AGTPBP1: variants seen among roughly 807,000 people sequenced by gnomAD.
The protein encoded by AGTPBP1 is ATP/GTP binding carboxypeptidase 1.
Under a neutral mutation model 143.9 loss-of-function variants are expected in AGTPBP1, and 70 were observed. The observed-to-expected ratio is 0.49, with a 90% confidence interval of 0.40 to 0.59. The LOEUF (loss-of-function observed/expected upper bound fraction) is 0.59, where lower values mean the gene tolerates loss of function less well. Among genes scored for constraint, AGTPBP1 ranks in the 20% least tolerant of loss-of-function variants. The pLI, the probability that AGTPBP1 is intolerant of heterozygous loss-of-function variation, is 0.00. For missense variants in AGTPBP1, 1,229 were observed against 1,464.5 expected (o/e 0.84, Z 2.62); for synonymous variants, 463 against 500.2 (o/e 0.93, Z 0.99).
At chr9:85,755,976 C>A in the AGTPBP1 span, 1 of 911,878 alleles carries the variant, frequency 1.1e-6, no homozygotes, top group Non-Finnish European at 1.6e-6. Context: ...TTTAAATGTT[C>A]ATTTAAGAGA....
chr9:85,611,159 T>C (rs574360115), intron 17 of AGTPBP1, among the ~76,000 whole-genome samples: 7 of 147,424 alleles, frequency 4.7e-5, no homozygotes, highest in African/African-American at 9.9e-5. Flanking sequence ...GCTTTTCTTT[T>C]TTTTTTTTTT....
chr9:85,776,101 G>A, the AGTPBP1 span, among the ~76,000 whole-genome samples: 8 of 152,022 alleles, frequency 5.3e-5, no homozygotes, highest in Non-Finnish European at 8.8e-5. Flanking sequence ...ACTATCCTTC[G>A]TACAACCAGA....
chr9:85,727,854 CAAAAAAATA>C (rs1382464070), intron 1 of AGTPBP1, among the ~76,000 whole-genome samples: 3 of 151,568 alleles, frequency 2.0e-5, no homozygotes, highest in Non-Finnish European at 4.4e-5. Flanking sequence ...TCCATCTCTA[CAAAAAAATA>C]AAAAAATTAA....
chr9:85,746,776 A>T (rs925513982), upstream of AGTPBP1, among the ~76,000 whole-genome samples: 1 of 152,188 alleles, frequency 6.6e-6, no homozygotes, highest in Non-Finnish European at 1.5e-5. Context: ...CCAAAATGCT[A>T]ACTATGTGAA....
the AGTPBP1 span, among the ~76,000 whole-genome samples, chr9:85,779,471 G>C: frequency 6.6e-6 from 1 of 152,008 alleles, no homozygotes; most frequent in Non-Finnish European, 1.5e-5. Context: ...AGGCTGGGAG[G>C]CTAGGTCAGT....
chr9:85,796,381 CA>C, the AGTPBP1 span, among the ~76,000 whole-genome samples: 2 of 152,182 alleles, frequency 1.3e-5, no homozygotes, highest in South Asian at 4.1e-4. Context: ...TTTCATTAAA[CA>C]GATGCTTTTA....
At chr9:85,768,914 T>C in the AGTPBP1 span, among the ~76,000 whole-genome samples, 2 of 151,094 alleles carry the variant, frequency 1.3e-5, no homozygotes, top group African/African-American at 4.9e-5. Context: ...CTAGGCGTGG[T>C]GGCATGCACC....
the AGTPBP1 span, among the ~76,000 whole-genome samples, chr9:85,775,744 T>G: frequency 2.1e-4 from 32 of 152,078 alleles, no homozygotes; most frequent in East Asian, 6.2e-3. Context: ...ACAGGAAGCA[T>G]TCAGCATGGG....
intron 25 of AGTPBP1, among the ~76,000 whole-genome samples, chr9:85,572,004 GTTTTTTTTTTTTTTTTTTTT>G (rs55882437): frequency 0.029 from 1,265 of 43,458 alleles, 32 homozygotes; most frequent in East Asian, 0.07. Context: ...GTTTGTGTGT[GTTTTTTTTTTTTTTTTTTTT>G]TTTTTTTTTT....
chr9:85,666,285 A>T (rs1834127051), intron 8 of AGTPBP1, among the ~76,000 whole-genome samples: 1 of 152,148 alleles, frequency 6.6e-6, no homozygotes. Flanking sequence ...CTAGATTAAC[A>T]GTTTTAAATC....
At chr9:85,707,680 ATT>A (rs1193833717) in intron 2 of AGTPBP1, among the ~76,000 whole-genome samples, 2 of 152,236 alleles carry the variant, frequency 1.3e-5, no homozygotes, top group African/African-American at 4.8e-5. Context: ...ACAGGAAAGT[ATT>A]TGTTTCCTAC....
At chr9:85,658,673 G>A (rs1833678450) in intron 9 of AGTPBP1, among the ~76,000 whole-genome samples, 1 of 152,104 alleles carries the variant, frequency 6.6e-6, no homozygotes, top group Admixed American at 6.5e-5. Flanking sequence ...GATTTTAGCT[G>A]CCTGAATTAT....
chr9:85,761,285 T>C, the AGTPBP1 span, among the ~76,000 whole-genome samples: 1 of 152,198 alleles, frequency 6.6e-6, no homozygotes, highest in East Asian at 1.9e-4. Context: ...TTAAAGTTCA[T>C]GTGGAACCAA....
intron 2 of AGTPBP1, among the ~76,000 whole-genome samples, chr9:85,705,841 C>A (rs1475920388): frequency 1.3e-5 from 2 of 152,040 alleles, no homozygotes; most frequent in African/African-American, 4.8e-5. Context: ...CAGGTGCCCA[C>A]CACCGCACCC....
At chr9:85,731,454 G>T (rs567907468) in intron 1 of AGTPBP1, among the ~76,000 whole-genome samples, 167 of 151,538 alleles carry the variant, frequency 1.1e-3, no homozygotes, top group African/African-American at 3.9e-3. Flanking sequence ...TGGTTTTTTT[G>T]TGTGTGTTTG....
intron 19 of AGTPBP1, among the ~76,000 whole-genome samples, chr9:85,590,751 A>C (rs1055381726): frequency 6.6e-6 from 1 of 152,178 alleles, no homozygotes; most frequent in Admixed American, 6.6e-5. Flanking sequence ...TCAAGAGAGC[A>C]GAGATGAGTA....
At chr9:85,774,034 A>G in the AGTPBP1 span, 2 of 1,583,088 alleles carry the variant, frequency 1.3e-6, no homozygotes, top group Non-Finnish European at 1.7e-6. Flanking sequence ...CATCATTTCA[A>G]AGGTAACTTC....
intron 25 of AGTPBP1, among the ~76,000 whole-genome samples, chr9:85,572,098 C>T (rs901244937): frequency 1.0e-4 from 14 of 140,058 alleles, no homozygotes; most frequent in African/African-American, 3.4e-4. Flanking sequence ...AGGATCTCAA[C>T]TCACTGCAAC....
At chr9:85,711,044 T>C (rs1837331889) in intron 2 of AGTPBP1, among the ~76,000 whole-genome samples, 1 of 152,208 alleles carries the variant, frequency 6.6e-6, no homozygotes, top group South Asian at 2.1e-4. Context: ...CTAAACAGTG[T>C]GTATACTATT....
Sources: gnomAD v4.1 joint callset for allele counts (sites outside exome capture counted in the v4.1 genomes callset) on GRCh38, gnomAD v4.1.1 for gene constraint, MANE v1.5 for transcripts, NCBI Gene and HGNC (gene_info 2026-07-23, HGNC 2026-07-21) for gene names.